Variants in TMEM63A observed in about 807,000 individuals in gnomAD.
The protein encoded by TMEM63A is transmembrane protein 63A, also known as mechanosensitive cation channel TMEM63A.
In TMEM63A, 76 loss-of-function variants were observed where a neutral mutation model predicts 100.6. The observed-to-expected ratio is 0.76, with a 90% CI of 0.63 to 0.91. The LOEUF (loss-of-function observed/expected upper bound fraction) is 0.91, where lower values mean the gene tolerates loss of function less well. TMEM63A is among the 40% of genes least tolerant of loss of function. The pLI, the probability that TMEM63A is intolerant of heterozygous loss-of-function variation, is 0.00. For synonymous variants in TMEM63A, 401 were observed against 401.1 expected, an observed-to-expected ratio of 1.00 and a Z score of 0.00; for missense variants, 876 against 1,008.8, an observed-to-expected ratio of 0.87 and a Z score of 1.78.
Position 225,867,651 on chromosome 1 carries a change from T to C in TMEM63A, c.514+237A>G, listed in dbSNP as rs1225681889. Among the ~76,000 whole-genome samples, 1 of 152,166 alleles carries C rather than the reference T, an allele frequency of 6.6e-6. No homozygotes were observed. The highest frequency in any genetic ancestry group is 2.4e-5 in the African/African-American group (1 of 41,438). Reference sequence around the variant, plus strand: ...CTGATAGCCCCTGATTCTGTAAATCTTGGGGGGCTTTTTTCCCTATTTAAA... The same window carrying C: ...CTGATAGCCCCTGATTCTGTAAATCCTGGGGGGCTTTTTTCCCTATTTAAA... On this transcript the variant is annotated intron_variant, in intron 7 of 24. Transcript: ENST00000366835. This position sits in a 1 kb window ranked among gnomAD's most constrained non-coding sequence, Gnocchi z 4.6.
rs1435780685 is a variant in TMEM63A, at chr1:225,867,401, T to C, written c.515-238A>G. 6.6e-6 allele frequency among the ~76,000 whole-genome samples: 1 copy of C among 152,248 alleles called. No homozygotes were observed. Among genetic ancestry groups the C allele is most frequent in the Non-Finnish European group, 1.5e-5 (1 of 68,040 alleles). On this transcript the variant is annotated intron_variant, in intron 7 of 24. Transcript: ENST00000366835. The surrounding 1 kb of genome is among the most constrained non-coding windows in gnomAD (Gnocchi z 4.6). ...GGTAAAGGCATAATGTGAATTCATTTTGTTTTGAGAAAACTAAAAACATCC... is the reference window on the plus strand; with the variant it reads ...GGTAAAGGCATAATGTGAATTCATTCTGTTTTGAGAAAACTAAAAACATCC...
downstream of TMEM63A, chr1:225,845,119 C>T (rs1422053665): frequency 3.1e-6 from 5 of 1,613,200 alleles, no homozygotes; most frequent in Non-Finnish European, 4.2e-6. Flanking sequence ...CACAGCCTCA[C>T]CCCTCCGTCG....
intron 1 of TMEM63A, among the ~76,000 whole-genome samples, chr1:225,880,286 T>A (rs1671024411): frequency 1.3e-5 from 2 of 152,148 alleles, no homozygotes; most frequent in South Asian, 4.1e-4. Context: ...TCCCTGCCCA[T>A]TAGACACATA....
intron 13 of TMEM63A, 160 bp from the exon 14 acceptor site, chr1:225,861,157 T>A: frequency 1.4e-6 from 1 of 696,240 alleles, no homozygotes; most frequent in Non-Finnish European, 2.2e-6. Context: ...GGTGCCACGC[T>A]AGCACAGTGT....
chr1:225,844,641 G>A (rs754622982), downstream of TMEM63A: 35 of 1,613,528 alleles, frequency 2.2e-5, no homozygotes, highest in African/African-American at 1.2e-4. Flanking sequence ...TGGCTGAGCC[G>A]AGAACAGGGG....
chr1:225,873,216 C>T (rs1277485918), intron 4 of TMEM63A, among the ~76,000 whole-genome samples: 1 of 152,158 alleles, frequency 6.6e-6, no homozygotes, highest in Non-Finnish European at 1.5e-5. Context: ...CCCTCTGATC[C>T]CCAGGTGGTC....
intron 23 of TMEM63A, 113 bp from the exon 24 acceptor site, chr1:225,847,326 T>A (rs1669065033): frequency 2.3e-6 from 3 of 1,332,596 alleles, no homozygotes; most frequent in Non-Finnish European, 3.1e-6. Context: ...AAAGGACATA[T>A]GAAGAAACAC....
chr1:225,858,780 T>C (rs1014489991), intron 15 of TMEM63A, among the ~76,000 whole-genome samples: 1 of 151,790 alleles, frequency 6.6e-6, no homozygotes. Context: ...TCCCTGCTTC[T>C]GTCAGGAGCC....
In TMEM63A at chr1:225,871,063, C is replaced by A. The variant is rs755816321; in HGVS notation, c.371+13G>T. The A allele has an allele frequency of 1.1e-5, 18 of 1,613,666 alleles. No individual in the cohort carries two copies. The highest frequency in any genetic ancestry group is 1.7e-5 in the Admixed American group (1 of 59,986). On this transcript the variant is annotated intron_variant, in intron 6 of 24. Transcript: ENST00000366835. Reference sequence around the variant, plus strand: ...CCAAAGGCCCCCCAGCAGCTGCCCCCGGGTGTACTCACTGCAGACGGAAGA... The same window carrying A: ...CCAAAGGCCCCCCAGCAGCTGCCCCAGGGTGTACTCACTGCAGACGGAAGA...
At chr1:225,857,638 G>A (rs949594875) in intron 15 of TMEM63A, among the ~76,000 whole-genome samples, 2 of 151,824 alleles carry the variant, frequency 1.3e-5, no homozygotes, top group Non-Finnish European at 2.9e-5. Context: ...TTAGATGAGA[G>A]TAAATTAACG....
chr1:225,852,535 G>T, intron 20 of TMEM63A, 129 bp downstream of exon 20: 1 of 800,592 alleles, frequency 1.2e-6, no homozygotes, highest in South Asian at 1.6e-5. Context: ...GTCTTTAGCA[G>T]CTTGTGGCTC....
chr1:225,869,168 C>T (rs1050631767), intron 6 of TMEM63A, among the ~76,000 whole-genome samples: 8 of 152,196 alleles, frequency 5.3e-5, no homozygotes, highest in African/African-American at 1.9e-4. Flanking sequence ...GGAGCTTACC[C>T]GCCTCTGACC....
At chr1:225,841,411 T>C (rs1436612137), downstream of TMEM63A, among the ~76,000 whole-genome samples, 1 of 151,632 alleles carries the variant, frequency 6.6e-6, no homozygotes, top group Non-Finnish European at 1.5e-5. Context: ...GCCTCCCAAG[T>C]AGCTGGGATT....
chr1:225,871,496 G>A (rs891100924), intron 5 of TMEM63A: 6 of 220,920 alleles, frequency 2.7e-5, no homozygotes, highest in Admixed American at 1.0e-4. Context: ...GGGGGAAAGG[G>A]TGTCTGCAGG....
Position 225,849,021 on chromosome 1 carries a change from A to T in TMEM63A, c.2072-9T>A. 2 of 873,668 alleles carry T rather than the reference A, an allele frequency of 2.3e-6. No homozygotes were observed. The highest frequency in any genetic ancestry group is 3.4e-6 in the Non-Finnish European group (2 of 592,646). 54.1% of individuals were successfully genotyped at this position (873,668 alleles called of 1,614,324 possible). A position where few individuals can be genotyped will look rare whatever the true frequency, so the allele number is the denominator to read the frequency against. On this transcript the variant is annotated splice_polypyrimidine_tract_variant and intron_variant, in intron 21 of 24. Coordinates refer to ENST00000366835, the MANE Select transcript of TMEM63A (RefSeq NM_014698.3). ...GGCGGGGGCCTTCATACCTGGTGAT[A>T]GAGGGTGGCTAGCCTTGGGGTGGGC... is the stretch of plus-strand genomic sequence containing the variant.
At position 225,857,104 on chromosome 1, in the gene TMEM63A, G is replaced by A. The variant is rs889999747; in HGVS notation, c.1378-87C>T. On this transcript the variant is annotated intron_variant, in intron 15 of 24. Coordinates refer to ENST00000366835, the MANE Select transcript of TMEM63A (RefSeq NM_014698.3). ...CATGACCTATTGGTATGGTCGCTCA[G>A]TGGACTCCCAGGGTAGGAGTTTGTC... 3.5e-6 allele frequency: 4 copies of A among 1,146,648 alleles called. No individual in the cohort carries two copies. In the East Asian group the frequency reaches 1.2e-4, roughly 34 times the overall value. The allele number at this position is 1,146,648 out of a possible 1,614,324, so 71.0% of individuals were successfully genotyped here.
In TMEM63A at chr1:225,854,367, G is replaced by A. The variant is rs180870849; in HGVS notation, c.1635-576C>T. Among the ~76,000 whole-genome samples, 17 of 152,338 alleles carry A rather than the reference G, an allele frequency of 1.1e-4. 1 individual carries two copies. Among genetic ancestry groups the A allele is most frequent in the African/African-American group, 3.8e-4 (16 of 41,582 alleles). ...CCAATGGGGTCAGGGAGACTACACAGATGGCCACTGTGTCATCCCCATGTG... is the reference window on the plus strand; with the variant it reads ...CCAATGGGGTCAGGGAGACTACACAAATGGCCACTGTGTCATCCCCATGTG... On this transcript the variant is annotated intron_variant, in intron 18 of 24. Transcript: ENST00000366835.
In TMEM63A at chr1:225,865,878, T is replaced by TC; in HGVS notation, c.746+18dup. 6.2e-7 allele frequency: 1 copy of TC among 1,612,882 alleles called. No homozygotes were observed. Among genetic ancestry groups the TC allele is most frequent in the Non-Finnish European group, 8.5e-7 (1 of 1,179,528 alleles). Reference sequence around the variant, plus strand: ...CTACGTGGAGGGGGCTCAGCTCCCCTCCCACCCCACCTGCTTACCGGAAGT... The same window carrying TC: ...CTACGTGGAGGGGGCTCAGCTCCCCTCCCCACCCCACCTGCTTACCGGAAGT... On this transcript the variant is annotated intron_variant, in intron 10 of 24. Coordinates refer to ENST00000366835, the MANE Select transcript of TMEM63A (RefSeq NM_014698.3). This position sits in a 1 kb window ranked among gnomAD's most constrained non-coding sequence, Gnocchi z 4.6.
intron 21 of TMEM63A, among the ~76,000 whole-genome samples, chr1:225,849,591 A>C (rs1205605340): frequency 6.6e-6 from 1 of 152,150 alleles, no homozygotes; most frequent in Non-Finnish European, 1.5e-5. Context: ...AGGCCTTCAC[A>C]AGGGTTACAC....
Sources: allele counts gnomAD v4.1 joint callset (sites outside exome capture counted in the v4.1 genomes callset), GRCh38; gene constraint gnomAD v4.1.1; non-coding constraint Gnocchi (gnomAD v3.1); transcripts MANE v1.5; gene names NCBI Gene and HGNC (gene_info 2026-07-23, HGNC 2026-07-21).